FAM120C: variants seen among roughly 807,000 people sequenced by gnomAD.
FAM120C encodes constitutive coactivator of PPAR-gamma-like protein 2.
FAM120C carries 14 observed loss-of-function variants against 71.2 expected under a neutral mutation model. The ratio of observed to expected loss-of-function variants is 0.20; its 90% confidence interval spans 0.13 to 0.31. The LOEUF (loss-of-function observed/expected upper bound fraction) is 0.31. Among genes scored for constraint, FAM120C ranks in the 10% least tolerant of loss-of-function variants. The probability of loss-of-function intolerance (pLI) is 1.00; values close to 1 mark genes in which losing one functional copy is unlikely to be tolerated. For missense variants in FAM120C, 500 were observed against 879.0 expected, an observed-to-expected ratio of 0.57 and a Z score of 5.45; for synonymous variants, 354 against 353.2, an observed-to-expected ratio of 1.00 and a Z score of -0.03.
chrX:54,149,278 G>A (rs782233317), intron 4 of FAM120C, among the ~76,000 whole-genome samples: 8 of 112,077 alleles, frequency 7.1e-5, no homozygotes, highest in Non-Finnish European at 1.1e-4. Context: ...ATTGATACAG[G>A]TAACACGCAA....
At chrX:54,095,566 TA>T (rs1400515230) in intron 10 of FAM120C, among the ~76,000 whole-genome samples, 4 of 111,168 alleles carry the variant, frequency 3.6e-5, no homozygotes, top group Non-Finnish European at 5.7e-5. Flanking sequence ...AGGTTGCTCC[TA>T]AACCCCTCAG....
At chrX:54,132,542 G>T in intron 9 of FAM120C, 150 bp downstream of exon 9, 1 of 434,457 alleles carries the variant, frequency 2.3e-6, no homozygotes, top group Non-Finnish European at 3.9e-6. Context: ...TGGGGCTTAA[G>T]TTAATGTATT....
chrX:54,173,161 T>C (rs782293588), intron 1 of FAM120C, among the ~76,000 whole-genome samples: 14 of 112,931 alleles, frequency 1.2e-4, no homozygotes, highest in Non-Finnish European at 2.1e-4. Context: ...GCATCACTTA[T>C]TTTATCTGTA....
intron 9 of FAM120C, among the ~76,000 whole-genome samples, chrX:54,127,003 C>G (rs2067030723): frequency 8.9e-6 from 1 of 112,174 alleles, no homozygotes; most frequent in Non-Finnish European, 1.9e-5. Flanking sequence ...GTAGAGGCAT[C>G]TGGTGGGAAC....
chrX:54,160,923 T>C (rs2067233209), intron 1 of FAM120C, among the ~76,000 whole-genome samples: 1 of 111,608 alleles, frequency 9.0e-6, no homozygotes, highest in African/African-American at 3.3e-5. Context: ...GGTAGTTTTC[T>C]GGAGTTTAAC....
Position 54,075,070 on chromosome X carries a change from A to T in FAM120C, c.3037-1783T>A, listed in dbSNP as rs1360134295. Among the ~76,000 whole-genome samples, 12 of 111,654 alleles carry T rather than the reference A, an allele frequency of 1.1e-4. No individual in the cohort carries two copies. In the Admixed American group the frequency reaches 1.2e-3, roughly 11 times the overall value. On this transcript the variant is annotated intron_variant, in intron 15 of 15. Transcript: ENST00000375180. The stretch of plus-strand genomic sequence containing the variant: ...CTACCTGGGAGGTTGAGGTGGGAGG[A>T]TCGCTAAAGCTTGGGAGGTCCAGGC...
chrX:54,104,411 G>A (rs939904720), intron 10 of FAM120C, among the ~76,000 whole-genome samples: 3 of 111,982 alleles, frequency 2.7e-5, no homozygotes, highest in Admixed American at 9.6e-5. Flanking sequence ...GCTGGACAAT[G>A]CAGTATTAAG....
chrX:54,166,715 A>G (rs782603873), intron 1 of FAM120C, among the ~76,000 whole-genome samples: 119 of 111,839 alleles, frequency 1.1e-3, no homozygotes, highest in Non-Finnish European at 1.2e-3. Flanking sequence ...GAATATGTAT[A>G]TATGTAAAAT....
intron 15 of FAM120C, among the ~76,000 whole-genome samples, chrX:54,076,350 A>T (rs1216500280): frequency 9.0e-6 from 1 of 110,761 alleles, no homozygotes; most frequent in East Asian, 2.8e-4. Flanking sequence ...AAATACAAAA[A>T]AAAAAAGAAT....
At chrX:54,125,403 A>T (rs1215677716) in intron 9 of FAM120C, among the ~76,000 whole-genome samples, 1 of 110,744 alleles carries the variant, frequency 9.0e-6, no homozygotes, top group Non-Finnish European at 1.9e-5. Flanking sequence ...GGCTCAAGTG[A>T]TCCTCTCACC....
chrX:54,104,670 T>C (rs2066897479), intron 10 of FAM120C, among the ~76,000 whole-genome samples: 1 of 109,833 alleles, frequency 9.1e-6, no homozygotes. Context: ...TAGCCAGGTG[T>C]AGTGATGGGC....
At chrX:54,079,669 T>G (rs894235997) in intron 15 of FAM120C, among the ~76,000 whole-genome samples, 7 of 110,297 alleles carry the variant, frequency 6.3e-5, no homozygotes, top group Admixed American at 5.8e-4. Context: ...TGGTGGTGCA[T>G]GCCTATAATC....
intron 10 of FAM120C, among the ~76,000 whole-genome samples, chrX:54,102,864 C>T (rs960183175): frequency 2.3e-4 from 24 of 104,918 alleles, no homozygotes; most frequent in African/African-American, 3.8e-4. Context: ...AGATTACAGG[C>T]GCGCACCACC....
Position 54,183,002 on chromosome X carries a change from G to A in FAM120C, c.197C>T (p.Pro66Leu). The A allele has an allele frequency of 1.7e-6, 2 of 1,159,189 alleles. No homozygotes were observed. Among genetic ancestry groups the A allele is most frequent in the Non-Finnish European group, 2.3e-6 (2 of 871,286 alleles). ...AARGSVPLQP[P>L]LPPAALGAYS... ...GGCACCCAAGGCAGCGGGCGGAAGC[G>A]GCGGTTGCAGAGGCACGGAGCCCCT... The change falls in exon 1 of 16, where the codon CCG (proline) becomes CTG (leucine). Residue 66 changes from proline to leucine, a missense_variant. Transcript: ENST00000375180.
intron 15 of FAM120C, among the ~76,000 whole-genome samples, chrX:54,078,684 G>A (rs2066748727): frequency 9.0e-6 from 1 of 110,967 alleles, no homozygotes; most frequent in Non-Finnish European, 1.9e-5. Context: ...GTCTAGAGGG[G>A]GCTTGGTAGA....
chrX:54,087,985 A>G, intron 11 of FAM120C, 21 bp from the exon 12 acceptor site: 1 of 1,136,909 alleles, frequency 8.8e-7, no homozygotes, highest in Non-Finnish European at 1.2e-6. Context: ...CACAGATGAA[A>G]TATTACTATT....
intron 9 of FAM120C, among the ~76,000 whole-genome samples, chrX:54,124,725 G>T (rs781818094): frequency 9.0e-6 from 1 of 110,847 alleles, no homozygotes; most frequent in East Asian, 2.9e-4. Flanking sequence ...GTTCCTATTC[G>T]GCCATCTTGG....
intron 1 of FAM120C, 87 bp downstream of exon 1, chrX:54,182,413 T>G: frequency 1.9e-6 from 2 of 1,033,495 alleles, no homozygotes; most frequent in East Asian, 6.8e-5. Flanking sequence ...GGAGGTAGGG[T>G]AGTGGGTAAG....
In FAM120C at chrX:54,089,366, G is replaced by A. The variant is rs184842707; in HGVS notation, c.2428-1402C>T. Among the ~76,000 whole-genome samples the A allele has an allele frequency of 1.3e-3, 150 of 111,680 alleles. 1 individual carries two copies. In the East Asian group the frequency reaches 0.035, roughly 26 times the overall value. On this transcript the variant is annotated intron_variant, in intron 11 of 15. Coordinates refer to ENST00000375180, the MANE Select transcript of FAM120C (RefSeq NM_017848.6). ...CCCACAGTGGTTATCTCAAGCCACT[G>A]TGTTAGAAGACAGCTTTAACAGGAA...
Sources: gnomAD v4.1 joint callset for allele counts (sites outside exome capture counted in the v4.1 genomes callset) on GRCh38, gnomAD v4.1.1 for gene constraint, MANE v1.5 for transcripts, NCBI Gene and HGNC (gene_info 2026-07-23, HGNC 2026-07-21) for gene names.